ZNF334: variants seen among roughly 807,000 people sequenced by gnomAD.
ZNF334 encodes the protein zinc finger protein 334.
In ZNF334, 14 loss-of-function variants were observed where a neutral mutation model predicts 12.4. That is an observed-to-expected ratio of 1.13 (90% CI 0.74 to 1.76). ZNF334 has a LOEUF of 1.76. Among genes scored for constraint, ZNF334 ranks in the 40% most tolerant of loss-of-function variants. ZNF334 has a pLI of 0.00. For synonymous variants in ZNF334, 273 were observed against 269.6 expected, an observed-to-expected ratio of 1.01 and a Z score of -0.12; for missense variants, 797 against 804.5, an observed-to-expected ratio of 0.99 and a Z score of 0.11.
intron 2 of ZNF334, chr20:46,506,306 C>G (rs1455589746): frequency 3.1e-6 from 2 of 648,646 alleles, no homozygotes; most frequent in East Asian, 2.9e-5. Flanking sequence ...TAATATATTA[C>G]CTTTTATGTA....
chr20:46,510,351 AC>A (rs1268062876), intron 2 of ZNF334, among the ~76,000 whole-genome samples: 3 of 151,992 alleles, frequency 2.0e-5, no homozygotes, highest in Non-Finnish European at 4.4e-5. Flanking sequence ...AAGTGAAAGG[AC>A]AAATTCAAGA....
chr20:46,495,660 A>G (rs552900057), downstream of ZNF334, among the ~76,000 whole-genome samples: 10 of 152,288 alleles, frequency 6.6e-5, no homozygotes, highest in Non-Finnish European at 1.0e-4. Flanking sequence ...TCAGGGAACC[A>G]ATATGAGGAT....
At position 46,501,749 on chromosome 20, in the gene ZNF334, TGA is replaced by T; in HGVS notation, c.1588_1589del (p.Ser530ThrfsTer15). ...TAGTTCTCTGATGTACAATGAGGTGTGAGTTTTTGCTGACGGCATGCCCATGT... is the reference window on the plus strand; with the variant it reads ...TAGTTCTCTGATGTACAATGAGGTGTGTTTTTGCTGACGGCATGCCCATGT... ...SEHGHAVSKNSHLIVHQRTIW... is the reference protein window; with the variant it reads ...SEHGHAVSKNXHLIVHQRTIW... On this transcript the variant is annotated frameshift_variant, in exon 5 of 5. Transcript: ENST00000692313. LOFTEE classifies it low-confidence loss of function (END_TRUNC). The T allele has an allele frequency of 2.5e-6, 4 of 1,614,160 alleles. No homozygotes were observed. The highest frequency in any genetic ancestry group is 2.2e-5 in the East Asian group (1 of 44,878).
At chr20:46,504,551 C>T in intron 3 of ZNF334, 63 bp downstream of exon 3, 2 of 1,521,404 alleles carry the variant, frequency 1.3e-6, no homozygotes, top group East Asian at 2.3e-5. Flanking sequence ...TAGAAATCAA[C>T]ATGTTTTTGT....
At chr20:46,509,504 C>G in intron 2 of ZNF334, 1 of 693,150 alleles carries the variant, frequency 1.4e-6, no homozygotes, top group Non-Finnish European at 2.7e-6. Flanking sequence ...GGGGTCAGCA[C>G]GTGGGTCAGC....
At chr20:46,477,963 C>A in the ZNF334 span, among the ~76,000 whole-genome samples, 3 of 152,204 alleles carry the variant, frequency 2.0e-5, no homozygotes, top group Admixed American at 2.0e-4. Context: ...GGTCATTTCA[C>A]ATCTTCATGT....
the ZNF334 span, among the ~76,000 whole-genome samples, chr20:46,472,816 G>A: frequency 6.6e-6 from 1 of 152,326 alleles, no homozygotes; most frequent in East Asian, 1.9e-4. Context: ...GGGGGCAAGG[G>A]TAGAAGCAGG....
the ZNF334 span, among the ~76,000 whole-genome samples, chr20:46,487,467 A>G: frequency 6.6e-6 from 1 of 152,124 alleles, no homozygotes; most frequent in African/African-American, 2.4e-5. Context: ...GATGAGTATA[A>G]TATTCTTTTT....
At chr20:46,467,996 T>C in the ZNF334 span, among the ~76,000 whole-genome samples, 2 of 152,242 alleles carry the variant, frequency 1.3e-5, no homozygotes, top group African/African-American at 4.8e-5. Flanking sequence ...TAGTGTTCTT[T>C]ACTGCTTATA....
the ZNF334 span, among the ~76,000 whole-genome samples, chr20:46,480,527 GGT>G: frequency 2.6e-5 from 4 of 152,000 alleles, no homozygotes; most frequent in African/African-American, 7.3e-5. Flanking sequence ...AACCTATCTG[GGT>G]GTGTGTTATA....
At chr20:46,495,346 A>C (rs1471123928), downstream of ZNF334, among the ~76,000 whole-genome samples, 2 of 151,176 alleles carry the variant, frequency 1.3e-5, no homozygotes, top group African/African-American at 4.9e-5. Context: ...AATCAAGATC[A>C]AATCATACTA....
chr20:46,469,361 C>CCTAT, the ZNF334 span, among the ~76,000 whole-genome samples: 1 of 150,398 alleles, frequency 6.6e-6, no homozygotes, highest in Admixed American at 6.6e-5. Context: ...GCCTCCCAGC[C>CCTAT]CTATGCTCCT....
At chr20:46,463,932 G>C in the ZNF334 span, 1 of 539,508 alleles carries the variant, frequency 1.9e-6, no homozygotes, top group African/African-American at 1.9e-5. Context: ...GATCATCATG[G>C]AACAAGTCCC....
the ZNF334 span, chr20:46,491,998 T>C: frequency 6.5e-6 from 1 of 152,742 alleles, no homozygotes; most frequent in East Asian, 1.9e-4. Context: ...ACTTTGTATG[T>C]AATCAATGTG....
intron 2 of ZNF334, among the ~76,000 whole-genome samples, chr20:46,507,317 G>T (rs1206781222): frequency 6.6e-6 from 1 of 152,112 alleles, no homozygotes; most frequent in Non-Finnish European, 1.5e-5. Flanking sequence ...AGCCAGCAAA[G>T]TGTCAAGGTT....
the ZNF334 span, among the ~76,000 whole-genome samples, chr20:46,489,191 TAAATCTTCTAC>T: frequency 6.6e-6 from 1 of 152,072 alleles, no homozygotes; most frequent in African/African-American, 2.4e-5. Context: ...ATGAAGTTGG[TAAATCTTCTAC>T]ACATTTTTAA....
At chr20:46,482,029 G>A in the ZNF334 span, among the ~76,000 whole-genome samples, 2 of 152,164 alleles carry the variant, frequency 1.3e-5, no homozygotes, top group Admixed American at 6.5e-5. Flanking sequence ...AACAGGCAGG[G>A]GGATGCTATG....
chr20:46,463,726 T>C, the ZNF334 span: 1 of 235,486 alleles, frequency 4.2e-6, no homozygotes, highest in Non-Finnish European at 8.8e-6. Flanking sequence ...ACACACTCCT[T>C]GGGGAAAGGT....
the ZNF334 span, chr20:46,464,469 C>T: frequency 1.9e-5 from 10 of 518,282 alleles, 1 homozygote; most frequent in East Asian, 5.0e-4. Flanking sequence ...CAGACCACCT[C>T]CATGCAGATC....
Sources: allele counts gnomAD v4.1 joint callset (sites outside exome capture counted in the v4.1 genomes callset), GRCh38; gene constraint gnomAD v4.1.1; transcripts MANE v1.5; gene names NCBI Gene and HGNC (gene_info 2026-07-23, HGNC 2026-07-21).